The following ERI3 variants were observed in gnomAD, a reference collection of about 807,000 sequenced individuals.
The protein encoded by ERI3 is ERI1 exoribonuclease family member 3, also known as ERI1 exoribonuclease 3.
In ERI3, 18 loss-of-function variants were observed where a neutral mutation model predicts 44.4. That is an observed-to-expected ratio of 0.41 (90% CI 0.28 to 0.60). The LOEUF (loss-of-function observed/expected upper bound fraction) is 0.60. Among genes scored for constraint, ERI3 ranks in the 20% least tolerant of loss-of-function variants. ERI3 has a pLI of 0.36. For synonymous variants in ERI3, 183 were observed against 164.8 expected, an observed-to-expected ratio of 1.11 and a Z score of -0.84; for missense variants, 294 against 435.5, an observed-to-expected ratio of 0.68 and a Z score of 2.89.
intron 7 of ERI3, among the ~76,000 whole-genome samples, chr1:44,273,719 G>A (rs1365105963): frequency 6.6e-6 from 1 of 152,208 alleles, no homozygotes; most frequent in Non-Finnish European, 1.5e-5. Flanking sequence ...AGGAGGAAGT[G>A]ACTATTTCTA....
rs528191168 is a variant in ERI3, at chr1:44,221,232, G to C, written c.*326C>G. On this transcript the variant is annotated 3_prime_UTR_variant, in exon 9 of 9. Coordinates refer to ENST00000372257, the MANE Select transcript of ERI3 (RefSeq NM_024066.3). The surrounding 1 kb of genome is among the most constrained non-coding windows in gnomAD (Gnocchi z 5.9). ...ATGGGAGGGGGCACAGGAGGGGCTT[G>C]GTGGCCCCACAGAAGCCTGTGTACC... The C allele has an allele frequency of 1.2e-3, 446 of 379,662 alleles. 1 individual carries two copies. Among genetic ancestry groups the C allele is most frequent in the African/African-American group, 8.6e-3 (415 of 48,292 alleles). The allele number at this position is 379,662 out of a possible 1,614,324, so 23.5% of individuals were successfully genotyped here. A position where few individuals can be genotyped will look rare whatever the true frequency, so the allele number is the denominator to read the frequency against.
chr1:44,278,569 TAA>T (rs1320337401), intron 7 of ERI3, among the ~76,000 whole-genome samples: 4 of 152,174 alleles, frequency 2.6e-5, no homozygotes, highest in Admixed American at 1.3e-4. Context: ...CAGGCTGTAC[TAA>T]ACATAAAATT....
intron 7 of ERI3, among the ~76,000 whole-genome samples, chr1:44,248,932 G>A (rs1023238706): frequency 2.0e-5 from 3 of 152,094 alleles, no homozygotes; most frequent in Non-Finnish European, 2.9e-5. Flanking sequence ...CCACCTGGGG[G>A]GGGGACACAC....
intron 6 of ERI3, among the ~76,000 whole-genome samples, chr1:44,290,726 G>A (rs1334787216): frequency 6.6e-6 from 1 of 152,154 alleles, no homozygotes; most frequent in Middle Eastern, 3.2e-3. Flanking sequence ...CAGACCCTGG[G>A]TGATAAACAG....
intron 8 of ERI3, among the ~76,000 whole-genome samples, chr1:44,229,697 C>T (rs916411640): frequency 1.3e-5 from 2 of 152,188 alleles, no homozygotes; most frequent in Non-Finnish European, 2.9e-5. Context: ...GGGGCCTGGG[C>T]GTACAGGTCT....
intron 3 of ERI3, among the ~76,000 whole-genome samples, chr1:44,333,464 C>T (rs1218513468): frequency 6.6e-6 from 1 of 152,096 alleles, no homozygotes; most frequent in Non-Finnish European, 1.5e-5. Context: ...CCAGGACAAG[C>T]ACATGGGAAG....
chr1:44,313,342 G>A (rs1646014239), intron 4 of ERI3, 114 bp from the exon 5 acceptor site: 13 of 957,304 alleles, frequency 1.4e-5, no homozygotes, highest in Admixed American at 4.6e-5. Context: ...GCTCTGATCT[G>A]GCACTGCTTT....
intron 5 of ERI3, among the ~76,000 whole-genome samples, 180 bp downstream of exon 5, chr1:44,312,989 C>T (rs1646006168): frequency 1.3e-5 from 2 of 152,240 alleles, no homozygotes; most frequent in Admixed American, 1.3e-4. Flanking sequence ...ACGGGAACAG[C>T]TGGAGATGAC....
chr1:44,306,697 C>G (rs75858318), intron 6 of ERI3, among the ~76,000 whole-genome samples: 2 of 152,202 alleles, frequency 1.3e-5, no homozygotes, highest in African/African-American at 4.8e-5. Context: ...ATGTACGCAT[C>G]GTGCACAGTT....
Position 44,355,073 on chromosome 1 carries a change from GC to G in ERI3, c.-48del. The G allele has an allele frequency of 7.6e-7, 1 of 1,310,074 alleles. No individual in the cohort carries two copies. The highest frequency in any genetic ancestry group is 9.8e-7 in the Non-Finnish European group (1 of 1,024,650). 81.2% of individuals were successfully genotyped at this position (1,310,074 alleles called of 1,614,324 possible). A position where few individuals can be genotyped will look rare whatever the true frequency, so the allele number is the denominator to read the frequency against. ...CCAGCGCGGCAGGCTCCCTCCAGGT[GC>G]AGGCCCCGACGTCTCCCTCGGCCTC... On this transcript the variant is annotated 5_prime_UTR_variant, in exon 1 of 9. Transcript: ENST00000372257.
At chr1:44,345,045 T>C (rs1271663535) in intron 2 of ERI3, among the ~76,000 whole-genome samples, 3 of 152,232 alleles carry the variant, frequency 2.0e-5, no homozygotes, top group Non-Finnish European at 4.4e-5. Flanking sequence ...AAATAACACA[T>C]GTGCCAAAAC....
At chr1:44,310,963 G>GCGCGCGCACACACA (rs1373873768) in intron 5 of ERI3, among the ~76,000 whole-genome samples, 1 of 123,202 alleles carries the variant, frequency 8.1e-6, no homozygotes, top group African/African-American at 3.2e-5. Flanking sequence ...GCGCGCGCGC[G>GCGCGCGCACACACA]CACACACACA....
intron 6 of ERI3, among the ~76,000 whole-genome samples, chr1:44,304,817 C>T (rs1645799873): frequency 1.3e-5 from 2 of 152,158 alleles, no homozygotes; most frequent in South Asian, 4.1e-4. Context: ...ACTTCAGGTC[C>T]ACACCTGCAG....
intron 7 of ERI3, among the ~76,000 whole-genome samples, chr1:44,282,476 C>A (rs1019345211): frequency 2.0e-5 from 3 of 152,202 alleles, no homozygotes; most frequent in Admixed American, 2.0e-4. Context: ...AATATTCCTG[C>A]AACCTTGGCA....
chr1:44,265,487 A>C (rs145889507), intron 7 of ERI3, among the ~76,000 whole-genome samples: 1 of 152,342 alleles, frequency 6.6e-6, no homozygotes, highest in East Asian at 1.9e-4. Context: ...TACAGCAGTC[A>C]ACAATACAGC....
intron 7 of ERI3, among the ~76,000 whole-genome samples, chr1:44,273,423 T>C (rs1048334918): frequency 1.3e-5 from 2 of 152,256 alleles, no homozygotes; most frequent in African/African-American, 4.8e-5. Context: ...TATGTGCCTT[T>C]AGGCAAGTTT....
At chr1:44,320,561 G>T (rs564182465) in intron 3 of ERI3, among the ~76,000 whole-genome samples, 1 of 152,324 alleles carries the variant, frequency 6.6e-6, no homozygotes, top group South Asian at 2.1e-4. Context: ...GCACCAGAGT[G>T]GGGAGAGGGC....
chr1:44,346,049 T>C (rs771801152), intron 2 of ERI3, among the ~76,000 whole-genome samples: 2 of 152,164 alleles, frequency 1.3e-5, no homozygotes, highest in Non-Finnish European at 2.9e-5. Context: ...AAAACAAAGC[T>C]TGACATGCCC....
chr1:44,353,867 C>A, intron 1 of ERI3: 1 of 985,342 alleles, frequency 1.0e-6, no homozygotes, highest in Non-Finnish European at 1.2e-6. Context: ...AATCACTTCC[C>A]GGCAGCTCCC....
Sources: allele counts gnomAD v4.1 joint callset (sites outside exome capture counted in the v4.1 genomes callset), GRCh38; gene constraint gnomAD v4.1.1; non-coding constraint Gnocchi (gnomAD v3.1); transcripts MANE v1.5; gene names NCBI Gene and HGNC (gene_info 2026-07-23, HGNC 2026-07-21).